Variants in LDB2 observed in about 807,000 individuals in gnomAD.
LDB2 encodes LIM domain binding 2.
LDB2 carries 12 observed loss-of-function variants against 44.3 expected under a neutral mutation model. The observed-to-expected ratio is 0.27, with a 90% CI of 0.17 to 0.44. The LOEUF (loss-of-function observed/expected upper bound fraction) is 0.44, where lower values mean the gene tolerates loss of function less well. Ranked by LOEUF, LDB2 falls within the 20% of genes least tolerant of loss-of-function variation. The pLI is 1.00. For synonymous variants in LDB2, 164 were observed against 174.8 expected, an observed-to-expected ratio of 0.94 and a Z score of 0.49; for missense variants, 344 against 473.5, an observed-to-expected ratio of 0.73 and a Z score of 2.54.
chr4:16,538,140 G>A (rs1368532283), intron 5 of LDB2, among the ~76,000 whole-genome samples: 1 of 152,076 alleles, frequency 6.6e-6, no homozygotes, highest in Admixed American at 6.5e-5. Context: ...CTCATGTCCT[G>A]GGACTTCTTG....
chr4:16,867,893 CCCTAA>C (rs1715232073), intron 1 of LDB2, among the ~76,000 whole-genome samples: 1 of 152,206 alleles, frequency 6.6e-6, no homozygotes, highest in Non-Finnish European at 1.5e-5. Context: ...AACATTCTAT[CCCTAA>C]CCTAACCTGA....
chr4:16,690,542 T>G (rs1393097754), intron 2 of LDB2, among the ~76,000 whole-genome samples: 1,917 of 21,310 alleles, frequency 0.09, no homozygotes, highest in African/African-American at 0.11. Context: ...GGGAGGGAGG[T>G]TGGGGAAAGG....
At chr4:16,788,072 C>T (rs287963) in intron 1 of LDB2, among the ~76,000 whole-genome samples, 137,939 of 152,236 alleles carry the variant, frequency 0.91, 62,861 homozygotes, top group Middle Eastern at 0.98. Flanking sequence ...ATCCTCCCCC[C>T]CCTCTCTGCC....
intron 1 of LDB2, among the ~76,000 whole-genome samples, chr4:16,823,847 A>G (rs996384224): frequency 6.6e-6 from 1 of 152,228 alleles, no homozygotes; most frequent in African/African-American, 2.4e-5. Flanking sequence ...ATCTTACCTA[A>G]TTATGCCAGC....
intron 5 of LDB2, among the ~76,000 whole-genome samples, chr4:16,523,762 G>C (rs1356612141): frequency 1.3e-5 from 2 of 152,080 alleles, no homozygotes; most frequent in African/African-American, 4.8e-5. Flanking sequence ...GACAGTGTGG[G>C]GTTTCATCAC....
At chr4:16,867,212 G>C (rs1211224584) in intron 1 of LDB2, among the ~76,000 whole-genome samples, 1 of 152,176 alleles carries the variant, frequency 6.6e-6, no homozygotes. Flanking sequence ...ACACCCGCAG[G>C]TAACACTGAG....
intron 5 of LDB2, among the ~76,000 whole-genome samples, chr4:16,519,511 C>T (rs1305674237): frequency 1.3e-5 from 2 of 151,820 alleles, no homozygotes; most frequent in East Asian, 4.0e-4. Flanking sequence ...AAGTTCAAAG[C>T]CTTTCACTGT....
chr4:16,712,802 C>T (rs1210888788), intron 2 of LDB2, among the ~76,000 whole-genome samples: 3 of 152,090 alleles, frequency 2.0e-5, no homozygotes, highest in Non-Finnish European at 1.5e-5. Context: ...TTTGGAAGCT[C>T]CTCAAAATGT....
rs536452895 is a variant in LDB2, at chr4:16,781,436, C to T, written c.133-22176G>A. On this transcript the variant is annotated intron_variant, in intron 1 of 7. Coordinates refer to ENST00000304523, the MANE Select transcript of LDB2 (RefSeq NM_001290.5). ...AAGTCAGAGCAGATGAGTACGAGCC[C>T]TCAGCTGAGGGAGTCTGGAGGACAG... is the stretch of plus-strand genomic sequence containing the variant. 1.2e-4 allele frequency among the ~76,000 whole-genome samples: 19 copies of T among 152,224 alleles called. No individual in the cohort carries two copies. In the South Asian group the frequency reaches 2.3e-3, roughly 18 times the overall value.
At chr4:16,871,472 C>T (rs1020519613) in intron 1 of LDB2, among the ~76,000 whole-genome samples, 1 of 152,096 alleles carries the variant, frequency 6.6e-6, no homozygotes, top group Admixed American at 6.5e-5. Flanking sequence ...TTCCAGTATT[C>T]GAGAAGTATT....
chr4:16,763,900 G>A (rs80097932), intron 1 of LDB2, among the ~76,000 whole-genome samples: 2,968 of 152,030 alleles, frequency 0.02, 96 homozygotes, highest in African/African-American at 0.068. Context: ...TAATAATCTC[G>A]GTGTGCTGTG....
intron 2 of LDB2, among the ~76,000 whole-genome samples, chr4:16,758,447 C>T (rs1398911887): frequency 6.6e-6 from 1 of 152,180 alleles, no homozygotes; most frequent in Non-Finnish European, 1.5e-5. Context: ...TCTGATCTAA[C>T]TGGACATTAA....
intron 1 of LDB2, among the ~76,000 whole-genome samples, chr4:16,785,374 G>C (rs1249222858): frequency 6.6e-6 from 1 of 152,052 alleles, no homozygotes; most frequent in African/African-American, 2.4e-5. Context: ...TAGAACAAAG[G>C]AGGAAAGGGC....
intron 2 of LDB2, among the ~76,000 whole-genome samples, chr4:16,702,017 G>A (rs1753557559): frequency 1.3e-5 from 2 of 152,234 alleles, no homozygotes; most frequent in Admixed American, 6.5e-5. Flanking sequence ...TACTATGAAT[G>A]CCTTTCCTAT....
chr4:16,631,612 T>C (rs576189573), intron 2 of LDB2, among the ~76,000 whole-genome samples: 29 of 151,966 alleles, frequency 1.9e-4, no homozygotes, highest in African/African-American at 6.5e-4. Flanking sequence ...GATAAAGACT[T>C]AAAAAACCCT....
chr4:16,813,766 T>G (rs767292138), intron 1 of LDB2, among the ~76,000 whole-genome samples: 1 of 152,192 alleles, frequency 6.6e-6, no homozygotes, highest in Non-Finnish European at 1.5e-5. Context: ...ATTTCATTAA[T>G]TATGGAGTTA....
chr4:16,771,386 C>T (rs1286338105), intron 1 of LDB2, among the ~76,000 whole-genome samples: 2 of 152,152 alleles, frequency 1.3e-5, no homozygotes, highest in African/African-American at 4.8e-5. Flanking sequence ...TACCAGGGGA[C>T]TTGAATTCTC....
chr4:16,856,377 T>C (rs1789348281), intron 1 of LDB2, among the ~76,000 whole-genome samples: 2 of 152,134 alleles, frequency 1.3e-5, no homozygotes, highest in South Asian at 4.1e-4. Context: ...TAGACAGAAG[T>C]GGATATTCTC....
At position 16,529,972 on chromosome 4, in the gene LDB2, G is replaced by A. The variant is rs559388276; in HGVS notation, c.616-17868C>T. On this transcript the variant is annotated intron_variant, in intron 5 of 7. Transcript: ENST00000304523. ...TGGGGTGAGCATATTCATTGGAAATGGCTGGTCTAATTGACAGAAATAACC... is the reference window on the plus strand; with the variant it reads ...TGGGGTGAGCATATTCATTGGAAATAGCTGGTCTAATTGACAGAAATAACC... 6.5e-4 allele frequency among the ~76,000 whole-genome samples: 99 copies of A among 152,286 alleles called. 1 individual carries two copies. The highest frequency in any genetic ancestry group is 2.2e-3 in the African/African-American group (93 of 41,546).
Sources: allele counts gnomAD v4.1 joint callset (sites outside exome capture counted in the v4.1 genomes callset), GRCh38; gene constraint gnomAD v4.1.1; transcripts MANE v1.5; gene names NCBI Gene and HGNC (gene_info 2026-07-23, HGNC 2026-07-21).